Variants in FAM13B observed in about 807,000 individuals in gnomAD.
FAM13B encodes family with sequence similarity 13 member B, also known as protein FAM13B.
In FAM13B, 60 loss-of-function variants were observed where a neutral mutation model predicts 117.3. That is an observed-to-expected ratio of 0.51 (90% CI 0.42 to 0.63). FAM13B has a LOEUF of 0.63. FAM13B is among the 30% of genes least tolerant of loss of function. The pLI, the probability that FAM13B is intolerant of heterozygous loss-of-function variation, is 0.00. For synonymous variants in FAM13B, 332 were observed against 356.1 expected, an observed-to-expected ratio of 0.93 and a Z score of 0.76; for missense variants, 972 against 1,091.9, an observed-to-expected ratio of 0.89 and a Z score of 1.55.
intron 13 of FAM13B, among the ~76,000 whole-genome samples, chr5:137,957,629 T>C (rs1766963257): frequency 6.6e-6 from 1 of 151,766 alleles, no homozygotes; most frequent in African/African-American, 2.4e-5. Context: ...AACAACATGG[T>C]CTACAAACAG....
At chr5:137,960,869 G>T (rs1256332768) in intron 11 of FAM13B, among the ~76,000 whole-genome samples, 2 of 152,162 alleles carry the variant, frequency 1.3e-5, no homozygotes, top group Non-Finnish European at 2.9e-5. Context: ...TACCAGTCAA[G>T]AGAGCACCTG....
Position 138,033,057 on chromosome 5 carries a change from C to A in FAM13B, c.-478G>T. ...CGGCTGAGGTGCAGAGCCTCCCTAA[C>A]GGCGAGCGGGAGGAGAGCGGCTGGC... On this transcript the variant is annotated 5_prime_UTR_variant, in exon 1 of 24. Transcript: ENST00000689681. The A allele has an allele frequency of 2.0e-6, 2 of 983,454 alleles. No individual in the cohort carries two copies. The highest frequency in any genetic ancestry group is 2.4e-6 in the Non-Finnish European group (2 of 830,142). The allele number at this position is 983,454 out of a possible 1,614,324, so 60.9% of individuals were successfully genotyped here.
At chr5:137,964,491 C>T (rs528918514) in intron 10 of FAM13B, among the ~76,000 whole-genome samples, 2 of 151,398 alleles carry the variant, frequency 1.3e-5, no homozygotes, top group East Asian at 2.0e-4. Context: ...GAGGCTGAGG[C>T]GAGCAAATCA....
chr5:137,948,177 C>T (rs1763950685), intron 18 of FAM13B, among the ~76,000 whole-genome samples: 1 of 41,776 alleles, frequency 2.4e-5, no homozygotes, highest in South Asian at 4.5e-4. Context: ...AATAATGGCT[C>T]TTCAAAAAAA....
intron 1 of FAM13B, among the ~76,000 whole-genome samples, chr5:138,042,221 C>T (rs548428903): frequency 6.6e-6 from 1 of 152,130 alleles, no homozygotes; most frequent in East Asian, 1.9e-4. Flanking sequence ...TGATGAATCA[C>T]AAAAATAAAT....
intron 7 of FAM13B, among the ~76,000 whole-genome samples, chr5:137,997,811 C>T (rs1472434858): frequency 6.6e-6 from 1 of 152,134 alleles, no homozygotes; most frequent in Non-Finnish European, 1.5e-5. Flanking sequence ...TCTTCAAAAC[C>T]GTCTATGAAA....
At chr5:138,020,841 ATTAAC>A (rs1786537443) in intron 2 of FAM13B, 185 bp downstream of exon 2, 1 of 323,258 alleles carries the variant, frequency 3.1e-6, no homozygotes. Flanking sequence ...AAAAGAAAAA[ATTAAC>A]TTAAGGATAG....
At position 137,970,419 on chromosome 5, in the gene FAM13B, C is replaced by T. The variant is rs868806542; in HGVS notation, c.1180-7950G>A. Among the ~76,000 whole-genome samples, 111 of 151,952 alleles carry T rather than the reference C, an allele frequency of 7.3e-4. 1 individual carries two copies. Among genetic ancestry groups the T allele is most frequent in the African/African-American group, 2.6e-3 (107 of 41,422 alleles). On this transcript the variant is annotated intron_variant, in intron 10 of 23. Transcript: ENST00000689681. The stretch of plus-strand genomic sequence containing the variant: ...ACAGACAAGCAAATGCTGAGAGATT[C>T]TGTCACCACCAGGCCTGCCCTAAAA...
chr5:137,994,751 T>C (rs555398548), intron 7 of FAM13B, among the ~76,000 whole-genome samples: 160 of 152,336 alleles, frequency 1.1e-3, no homozygotes, highest in Middle Eastern at 3.4e-3. Context: ...AAGCACAACA[T>C]TGAAGACTAT....
chr5:137,985,339 C>A lies in FAM13B; in HGVS notation c.1097G>T (p.Cys366Phe), dbSNP rs766977373. ...IINASESNRD[C>F]SKPVASTNLD... ...ATTAGTGCTAGCCACAGGTTTTGAA[C>A]AGTCTCTGTTACTTTCACTGGCATT... Residue 366 changes from cysteine to phenylalanine, a missense_variant, in exon 10 of 24, where the codon TGT becomes TTT. By Grantham distance (205) the Cys-to-Phe change is radical. Transcript: ENST00000689681. The A allele has an allele frequency of 1.2e-6, 2 of 1,613,798 alleles. No individual in the cohort carries two copies. Among genetic ancestry groups the A allele is most frequent in the Admixed American group, 1.7e-5 (1 of 60,012 alleles).
chr5:138,036,207 G>A, upstream of FAM13B: 4 of 353,014 alleles, frequency 1.1e-5, no homozygotes, highest in South Asian at 8.4e-5. Flanking sequence ...TGGCAGTAAA[G>A]TGTTTTGTCC....
intron 14 of FAM13B, 84 bp downstream of exon 14, chr5:137,956,393 A>T (rs976255534): frequency 1.1e-6 from 1 of 876,676 alleles, no homozygotes; most frequent in East Asian, 2.9e-5. Flanking sequence ...AGATATGGGG[A>T]CAGCAGGAGA....
rs367974163 is a variant in FAM13B, at chr5:137,942,841, A to C, written c.2588+34T>G. ...TTCTTGGCATATACATTTTATTATA[A>C]AAATAGGCTAAAATCACAAATCAGC... On this transcript the variant is annotated intron_variant, in intron 22 of 23. Transcript: ENST00000689681. 3 of 1,564,592 alleles carry C rather than the reference A, an allele frequency of 1.9e-6. No homozygotes were observed. In the African/African-American group the frequency reaches 4.1e-5, roughly 22 times the overall value.
rs375511957 is a variant in FAM13B, at chr5:137,968,200, C to G, written c.1180-5731G>C. The stretch of plus-strand genomic sequence containing the variant: ...TCACGCCATTGCACTCCAATCTGGG[C>G]GACAGAGCAAGACTGTCTCAAAAAA... On this transcript the variant is annotated intron_variant, in intron 10 of 23. Coordinates refer to ENST00000689681, the MANE Select transcript of FAM13B (RefSeq NM_001385994.1). 3.1e-5 allele frequency among the ~76,000 whole-genome samples: 4 copies of G among 129,156 alleles called. No individual in the cohort carries two copies. In the East Asian group the frequency reaches 8.7e-4, roughly 28 times the overall value. 84.7% of individuals were successfully genotyped at this position (129,156 alleles called of 152,430 possible). A position where few individuals can be genotyped will look rare whatever the true frequency, so the allele number is the denominator to read the frequency against.
rs1778075683 is a variant in FAM13B at position 137,989,503 on chromosome 5, A to T, written c.849-1188T>A. ...AAAGGCCTTCATGCTGATCGTCTCC[A>T]GGGAAGTGTTTACCAATATTCACAC... On this transcript the variant is annotated intron_variant, in intron 7 of 23. Coordinates refer to ENST00000689681, the MANE Select transcript of FAM13B (RefSeq NM_001385994.1). Among the ~76,000 whole-genome samples the T allele has an allele frequency of 2.6e-5, 4 of 152,182 alleles. No individual in the cohort carries two copies. In the South Asian group the frequency reaches 8.3e-4, roughly 32 times the overall value.
chr5:137,977,883 C>A (rs575997846), intron 10 of FAM13B, among the ~76,000 whole-genome samples: 1 of 152,174 alleles, frequency 6.6e-6, no homozygotes, highest in Non-Finnish European at 1.5e-5. Flanking sequence ...CTGTTGGAAA[C>A]ATAAATATAA....
intron 13 of FAM13B, among the ~76,000 whole-genome samples, chr5:137,957,752 C>T (rs1029514605): frequency 2.0e-5 from 3 of 152,070 alleles, no homozygotes; most frequent in African/African-American, 7.2e-5. Flanking sequence ...AAGTAGGGGA[C>T]CTACATAGAC....
intron 2 of FAM13B, chr5:138,019,931 C>T (rs981974663): frequency 1.2e-5 from 7 of 573,278 alleles, no homozygotes; most frequent in African/African-American, 4.1e-5. Flanking sequence ...CTGCCCGTCT[C>T]GGCCCCCAAA....
chr5:138,003,457 T>G (rs1781768540), intron 7 of FAM13B, among the ~76,000 whole-genome samples: 1 of 152,118 alleles, frequency 6.6e-6, no homozygotes, highest in Non-Finnish European at 1.5e-5. Context: ...TTTATACACT[T>G]TATCAGCCAA....
Sources: gnomAD v4.1 joint callset for allele counts (sites outside exome capture counted in the v4.1 genomes callset) on GRCh38, gnomAD v4.1.1 for gene constraint, MANE v1.5 for transcripts, NCBI Gene and HGNC (gene_info 2026-07-23, HGNC 2026-07-21) for gene names.